Variants in UNC13C observed in about 807,000 individuals in gnomAD.
UNC13C encodes the protein protein unc-13 homolog C.
UNC13C carries 174 observed loss-of-function variants against 245.4 expected under a neutral mutation model. The ratio of observed to expected loss-of-function variants is 0.71; its 90% CI spans 0.63 to 0.80. The LOEUF is 0.80. Ranked by LOEUF, UNC13C falls within the 30% of genes least tolerant of loss-of-function variation. The probability of loss-of-function intolerance (pLI) is 0.00; values close to 1 mark genes in which losing one functional copy is unlikely to be tolerated. For synonymous variants in UNC13C, 992 were observed against 895.1 expected (o/e 1.11, Z -1.93); for missense variants, 2,829 against 2,602.9 (o/e 1.09, Z -1.89).
intron 28 of UNC13C, among the ~76,000 whole-genome samples, chr15:54,550,346 CA>C (rs1033811748): frequency 6.6e-6 from 1 of 150,796 alleles, no homozygotes; most frequent in Non-Finnish European, 1.5e-5. Context: ...TTGTAAAATG[CA>C]AAAAAAGAAT....
chr15:54,240,696 T>A (rs760487049), intron 7 of UNC13C, among the ~76,000 whole-genome samples: 1 of 152,134 alleles, frequency 6.6e-6, no homozygotes, highest in Non-Finnish European at 1.5e-5. Context: ...TGATTGAGAA[T>A]CTCAGCTTAA....
chr15:54,479,094 A>C (rs1298891029), intron 19 of UNC13C, among the ~76,000 whole-genome samples: 1 of 152,010 alleles, frequency 6.6e-6, no homozygotes, highest in East Asian at 1.9e-4. Flanking sequence ...CTTTGTAAAA[A>C]TTCAGTTGGC....
At chr15:53,985,472 A>G (rs1006003089) in intron 1 of UNC13C, among the ~76,000 whole-genome samples, 6 of 151,514 alleles carry the variant, frequency 4.0e-5, no homozygotes, top group African/African-American at 1.5e-4. Flanking sequence ...TTAAGTATAC[A>G]TGTGTTACAT....
rs191884650 is a variant in UNC13C at position 54,207,841 on chromosome 15, A to G, written c.3072-27189A>G. Among the ~76,000 whole-genome samples the G allele has an allele frequency of 2.6e-3, 392 of 152,254 alleles. 3 individuals carry two copies. Among genetic ancestry groups the G allele is most frequent in the Non-Finnish European group, 3.8e-3 (260 of 67,998 alleles). ...AAGCTTTATATGTGTCAGTTGTGTG[A>G]TTTTGGAACAAAATACTTAACATCT... On this transcript the variant is annotated intron_variant, in intron 4 of 32. Coordinates refer to ENST00000260323, the MANE Select transcript of UNC13C (RefSeq NM_001080534.3).
At chr15:54,439,323 C>T (rs906760266) in intron 19 of UNC13C, among the ~76,000 whole-genome samples, 1 of 151,886 alleles carries the variant, frequency 6.6e-6, no homozygotes, top group Non-Finnish European at 1.5e-5. Flanking sequence ...TCAGTAAGAA[C>T]CCAGTGCCTT....
At chr15:53,846,059 G>A in the UNC13C span, among the ~76,000 whole-genome samples, 1 of 152,116 alleles carries the variant, frequency 6.6e-6, no homozygotes, top group African/African-American at 2.4e-5. Context: ...TTACAAAATA[G>A]GCTTTGTATT....
At chr15:54,268,944 T>C (rs2036615822) in intron 10 of UNC13C, among the ~76,000 whole-genome samples, 1 of 152,090 alleles carries the variant, frequency 6.6e-6, no homozygotes, top group Admixed American at 6.6e-5. Context: ...TTTTTGATAT[T>C]ATGCCCTGTG....
chr15:54,631,923 A>G (rs1006534462), downstream of UNC13C: 1 of 152,174 alleles, frequency 6.6e-6, no homozygotes, highest in African/African-American at 2.4e-5. Context: ...AACTTTTTTG[A>G]AAGTAGTTGT....
At chr15:54,488,273 C>A (rs1350040329) in intron 19 of UNC13C, among the ~76,000 whole-genome samples, 2 of 152,140 alleles carry the variant, frequency 1.3e-5, no homozygotes, top group African/African-American at 4.8e-5. Context: ...TGTTTGTGAG[C>A]ACACAATAGC....
chr15:53,861,730 G>A, the UNC13C span, among the ~76,000 whole-genome samples: 3 of 152,306 alleles, frequency 2.0e-5, no homozygotes, highest in African/African-American at 7.2e-5. Context: ...CAGTGGGCAT[G>A]TTAGCTTGGC....
chr15:54,326,991 G>A (rs909543653), intron 14 of UNC13C, among the ~76,000 whole-genome samples: 25 of 151,908 alleles, frequency 1.6e-4, no homozygotes, highest in African/African-American at 5.8e-4. Flanking sequence ...CTTTACCAGC[G>A]CATCACTGAG....
the UNC13C span, among the ~76,000 whole-genome samples, chr15:53,898,043 A>G: frequency 6.6e-6 from 1 of 152,182 alleles, no homozygotes; most frequent in African/African-American, 2.4e-5. Context: ...ATGCTGCTCT[A>G]TACAAATGTT....
At chr15:54,299,746 C>G (rs2037527738) in intron 12 of UNC13C, among the ~76,000 whole-genome samples, 1 of 152,136 alleles carries the variant, frequency 6.6e-6, no homozygotes, top group African/African-American at 2.4e-5. Flanking sequence ...AGTGACACCT[C>G]TAACTAACCT....
At chr15:54,053,101 A>G (rs556340245) in intron 2 of UNC13C, among the ~76,000 whole-genome samples, 25 of 152,286 alleles carry the variant, frequency 1.6e-4, no homozygotes, top group African/African-American at 5.5e-4. Context: ...CCATGTTCAA[A>G]TAATTCTCCT....
chr15:54,327,609 G>A (rs955002556), intron 14 of UNC13C, among the ~76,000 whole-genome samples: 1 of 152,042 alleles, frequency 6.6e-6, no homozygotes, highest in Non-Finnish European at 1.5e-5. Flanking sequence ...AGGGAAGAGA[G>A]GCCAGAGCTC....
chr15:54,003,809 G>A (rs1288368272), intron 1 of UNC13C, among the ~76,000 whole-genome samples: 2 of 152,090 alleles, frequency 1.3e-5, no homozygotes, highest in Non-Finnish European at 2.9e-5. Context: ...TCAGGAGATC[G>A]AGACCATCCT....
At chr15:54,492,103 G>A (rs945274799) in intron 19 of UNC13C, among the ~76,000 whole-genome samples, 1 of 151,732 alleles carries the variant, frequency 6.6e-6, no homozygotes, top group African/African-American at 2.4e-5. Flanking sequence ...CCTAATCAGA[G>A]TTTACACAGC....
chr15:54,302,370 C>G (rs2037608350), intron 13 of UNC13C, among the ~76,000 whole-genome samples: 1 of 152,108 alleles, frequency 6.6e-6, no homozygotes, highest in Non-Finnish European at 1.5e-5. Flanking sequence ...TTGGCCATAC[C>G]TATGTCCTGA....
At chr15:54,289,678 G>T (rs545827481) in intron 10 of UNC13C, among the ~76,000 whole-genome samples, 1 of 152,118 alleles carries the variant, frequency 6.6e-6, no homozygotes. Flanking sequence ...AAGCTACTGT[G>T]TGGGAACTGG....
Sources: allele counts gnomAD v4.1 joint callset (sites outside exome capture counted in the v4.1 genomes callset), GRCh38; gene constraint gnomAD v4.1.1; transcripts MANE v1.5; gene names NCBI Gene and HGNC (gene_info 2026-07-23, HGNC 2026-07-21).